The following LRP1B variants were observed in gnomAD, a reference collection of about 807,000 sequenced individuals.
LRP1B encodes the protein low-density lipoprotein receptor-related protein 1B.
A neutral mutation model predicts 556.6 loss-of-function variants in LRP1B; 217 were observed. The ratio of observed to expected loss-of-function variants is 0.39; its 90% confidence interval spans 0.35 to 0.44. LRP1B has a LOEUF of 0.44. LRP1B is among the 20% of genes least tolerant of loss of function. LRP1B has a pLI of 1.00. For synonymous variants in LRP1B, 2,047 were observed against 1,865.8 expected, an observed-to-expected ratio of 1.10 and a Z score of -2.50; for missense variants, 5,053 against 5,620.8, an observed-to-expected ratio of 0.90 and a Z score of 3.23.
intron 43 of LRP1B, among the ~76,000 whole-genome samples, chr2:140,569,304 G>A (rs1174296253): frequency 6.6e-6 from 1 of 151,924 alleles, no homozygotes; most frequent in Admixed American, 6.6e-5. Context: ...CCAGCAGTAT[G>A]CTACTTAAAA....
intron 1 of LRP1B, among the ~76,000 whole-genome samples, chr2:141,885,894 C>T (rs554172869): frequency 1.1e-4 from 17 of 152,220 alleles, no homozygotes; most frequent in Non-Finnish European, 2.1e-4. Flanking sequence ...AGAAGAGTAA[C>T]GGTTGCAAGA....
chr2:141,544,249 T>A (rs564219929), intron 2 of LRP1B, among the ~76,000 whole-genome samples: 1 of 152,164 alleles, frequency 6.6e-6, no homozygotes, highest in South Asian at 2.1e-4. Flanking sequence ...ATTTAAATTA[T>A]CACTTTAAAT....
chr2:141,088,550 A>G (rs1198582910), intron 7 of LRP1B, among the ~76,000 whole-genome samples: 1 of 152,164 alleles, frequency 6.6e-6, no homozygotes, highest in African/African-American at 2.4e-5. Context: ...TCGGGGCCAC[A>G]GGCAGATATT....
chr2:141,333,319 C>CA (rs1020683083), intron 3 of LRP1B, among the ~76,000 whole-genome samples: 8 of 152,170 alleles, frequency 5.3e-5, no homozygotes, highest in African/African-American at 1.9e-4. Context: ...ATGGTAGAAT[C>CA]ATTTACCTCA....
intron 2 of LRP1B, among the ~76,000 whole-genome samples, chr2:141,650,903 C>A (rs1379870593): frequency 6.6e-6 from 1 of 152,134 alleles, no homozygotes; most frequent in Non-Finnish European, 1.5e-5. Flanking sequence ...TATGTTTGTT[C>A]ATTTTTCCTC....
At chr2:140,654,972 T>C (rs1044415604) in intron 41 of LRP1B, among the ~76,000 whole-genome samples, 1 of 151,784 alleles carries the variant, frequency 6.6e-6, no homozygotes, top group African/African-American at 2.4e-5. Context: ...ACCCAAGGTT[T>C]CCTAGCTGGG....
chr2:141,768,569 A>G (rs1163762040), intron 2 of LRP1B, among the ~76,000 whole-genome samples: 1 of 152,126 alleles, frequency 6.6e-6, no homozygotes, highest in Non-Finnish European at 1.5e-5. Flanking sequence ...AATGGTTACC[A>G]TTTTGCATCC....
At chr2:142,059,481 C>T (rs915531267) in intron 1 of LRP1B, among the ~76,000 whole-genome samples, 4 of 151,784 alleles carry the variant, frequency 2.6e-5, no homozygotes, top group Non-Finnish European at 4.4e-5. Context: ...ATAGATGGTA[C>T]GGAGGGAATC....
At chr2:141,107,738 G>T (rs1700642294) in intron 7 of LRP1B, among the ~76,000 whole-genome samples, 1 of 152,152 alleles carries the variant, frequency 6.6e-6, no homozygotes, top group Admixed American at 6.6e-5. Flanking sequence ...TACATTTTAT[G>T]TGATTTTATT....
At chr2:140,543,437 A>C (rs1364608422) in intron 43 of LRP1B, among the ~76,000 whole-genome samples, 2 of 152,038 alleles carry the variant, frequency 1.3e-5, no homozygotes, top group Non-Finnish European at 2.9e-5. Flanking sequence ...CCAGGAATAC[A>C]ACCTGATTCA....
chr2:141,835,584 G>C (rs1319550743), intron 1 of LRP1B, among the ~76,000 whole-genome samples: 8 of 151,660 alleles, frequency 5.3e-5, no homozygotes, highest in Admixed American at 1.3e-4. Flanking sequence ...AAGAGAGGTT[G>C]AATAAGTGAA....
rs745906015 is a variant in LRP1B, at chr2:140,487,645, C to A, written c.9215G>T (p.Arg3072Ile). 2 of 1,608,490 alleles carry A rather than the reference C, an allele frequency of 1.2e-6. No individual in the cohort carries two copies. The highest frequency in any genetic ancestry group is 1.1e-5 in the South Asian group (1 of 90,598). Residue 3072 changes from arginine to isoleucine, a missense_variant, in exon 58 of 91, where the codon AGA (arginine) becomes ATA (isoleucine). By Grantham distance (97) the Arg-to-Ile change is moderately conservative (BLOSUM62 -3). Around this residue, in one of 5 missense-constraint regions of LRP1B, gnomAD observed 3,619 missense variants for 3,931.9 expected, o/e 0.92. Coordinates refer to ENST00000389484, the MANE Select transcript of LRP1B (RefSeq NM_018557.3). ...SSRPNGSRIN[R>I]MCLNGSDIKV... The stretch of plus-strand genomic sequence containing the variant: ...AATGTCACTTCCATTTAAACACATT[C>A]TATTTATGCGACTGCCATTGGGTCG...
rs1403281821 is a variant in LRP1B at position 140,558,556 on chromosome 2, G to A, written c.7195-16585C>T. ...ATTTCCAGAATAGGCAAATCTATAA[G>A]GAAGTAGATACCTGGTTGCTTAGGG... On this transcript the variant is annotated intron_variant, in intron 43 of 90. Coordinates refer to ENST00000389484, the MANE Select transcript of LRP1B (RefSeq NM_018557.3). Among the ~76,000 whole-genome samples, 9 of 152,104 alleles carry A rather than the reference G, an allele frequency of 5.9e-5. 1 individual carries two copies.
chr2:141,420,659 AGAAG>A (rs1680102090), intron 3 of LRP1B, among the ~76,000 whole-genome samples: 1 of 152,140 alleles, frequency 6.6e-6, no homozygotes, highest in Non-Finnish European at 1.5e-5. Context: ...CAGCCCTCTA[AGAAG>A]ATAGAACATT....
chr2:140,541,276 TG>T (rs1680124667), intron 44 of LRP1B, among the ~76,000 whole-genome samples, 178 bp from the exon 45 acceptor site: 1 of 152,150 alleles, frequency 6.6e-6, no homozygotes, highest in Non-Finnish European at 1.5e-5. Context: ...TACAAAAGTA[TG>T]TAACACTAAT....
At chr2:141,112,835 C>A (rs1213660205) in intron 7 of LRP1B, among the ~76,000 whole-genome samples, 3 of 151,902 alleles carry the variant, frequency 2.0e-5, no homozygotes, top group African/African-American at 7.3e-5. Context: ...ATTAATAATC[C>A]CAGAAATCTA....
At chr2:141,850,128 T>A (rs1395111036) in intron 1 of LRP1B, among the ~76,000 whole-genome samples, 1 of 151,764 alleles carries the variant, frequency 6.6e-6, no homozygotes, top group Non-Finnish European at 1.5e-5. Flanking sequence ...AAAAAGTCAC[T>A]CATCTTAGTG....
At chr2:141,880,920 A>G (rs1698938664) in intron 1 of LRP1B, among the ~76,000 whole-genome samples, 1 of 152,118 alleles carries the variant, frequency 6.6e-6, no homozygotes, top group Non-Finnish European at 1.5e-5. Context: ...GAAGTGAAAT[A>G]TAATTTCAGA....
At chr2:140,903,258 A>G (rs1410047176) in intron 22 of LRP1B, 93 bp from the exon 23 acceptor site, 5 of 1,412,986 alleles carry the variant, frequency 3.5e-6, no homozygotes, top group African/African-American at 1.4e-5. Context: ...GCCTACAATT[A>G]GCCAGGATAC....
Sources: allele counts gnomAD v4.1 joint callset (sites outside exome capture counted in the v4.1 genomes callset), GRCh38; gene constraint gnomAD v4.1.1; regional missense constraint gnomAD v4.1.1; transcripts MANE v1.5; gene names NCBI Gene and HGNC (gene_info 2026-07-23, HGNC 2026-07-21).